The following TRPM3 variants were observed in gnomAD, a reference collection of about 807,000 sequenced individuals.
TRPM3 encodes the protein transient receptor potential cation channel subfamily M member 3, also known as long transient receptor potential channel 3.
Under a neutral mutation model 181.2 loss-of-function variants are expected in TRPM3, and 77 were observed. The observed-to-expected ratio is 0.42, with a 90% CI of 0.35 to 0.51. TRPM3 has a LOEUF of 0.51. TRPM3 is among the 20% of genes least tolerant of loss of function. TRPM3 has a pLI of 0.01. For missense variants in TRPM3, 1,759 were observed against 2,196.7 expected (o/e 0.80, Z 3.98); for synonymous variants, 745 against 796.4 (o/e 0.94, Z 1.09).
At chr9:71,390,056 G>A (rs2093025535) in intron 1 of TRPM3, among the ~76,000 whole-genome samples, 1 of 152,052 alleles carries the variant, frequency 6.6e-6, no homozygotes, top group Admixed American at 6.6e-5. Context: ...CTCATACACA[G>A]TTATCTACAT....
At chr9:70,635,056 C>CACGT (rs1199201812) in intron 12 of TRPM3, among the ~76,000 whole-genome samples, 155 bp downstream of exon 12, 4 of 108,828 alleles carry the variant, frequency 3.7e-5, no homozygotes, top group Non-Finnish European at 7.1e-5. Flanking sequence ...AGTTAAAAGA[C>CACGT]ACATACACAC....
intron 1 of TRPM3, among the ~76,000 whole-genome samples, chr9:71,105,666 G>T (rs535207927): frequency 6.6e-6 from 1 of 152,264 alleles, no homozygotes; most frequent in South Asian, 2.1e-4. Flanking sequence ...TTGTTAGTTT[G>T]TATATCAAAG....
At chr9:70,969,500 G>T (rs2097217476) in intron 1 of TRPM3, among the ~76,000 whole-genome samples, 1 of 146,450 alleles carries the variant, frequency 6.8e-6, no homozygotes, top group Non-Finnish European at 1.5e-5. Flanking sequence ...TGTTGGTCAT[G>T]AATAGCCAAT....
At chr9:71,196,854 A>G (rs2078403319) in intron 1 of TRPM3, among the ~76,000 whole-genome samples, 1 of 144,424 alleles carries the variant, frequency 6.9e-6, no homozygotes, top group Non-Finnish European at 1.5e-5. Flanking sequence ...TGGAGTATAA[A>G]TTGGGCCTTT....
At chr9:71,150,508 C>G (rs574467416) in intron 1 of TRPM3, among the ~76,000 whole-genome samples, 52 of 152,214 alleles carry the variant, frequency 3.4e-4, no homozygotes, top group Admixed American at 5.9e-4. Flanking sequence ...TAAATAGTTT[C>G]AATACTATGT....
chr9:71,006,731 C>T (rs965500429), intron 1 of TRPM3, among the ~76,000 whole-genome samples: 3 of 151,752 alleles, frequency 2.0e-5, no homozygotes, highest in Non-Finnish European at 4.4e-5. Flanking sequence ...ATTAGCCGGG[C>T]GTGGTGGCGG....
At position 70,554,616 on chromosome 9, in the gene TRPM3, C is replaced by T. The variant is rs181950059; in HGVS notation, c.3224-1306G>A. ...AATTGAATCAGAATCCCTGAGGGTG[C>T]CCCAGGCATCAGCATTTCTTTTAAA... On this transcript the variant is annotated intron_variant, in intron 22 of 25. Transcript: ENST00000677713. 2.2e-3 allele frequency among the ~76,000 whole-genome samples: 339 copies of T among 152,272 alleles called. 3 individuals are homozygous for T. The highest frequency in any genetic ancestry group is 7.8e-3 in the African/African-American group (323 of 41,550).
intron 1 of TRPM3, among the ~76,000 whole-genome samples, chr9:71,099,382 G>T (rs1387141096): frequency 1.3e-5 from 2 of 151,984 alleles, no homozygotes; most frequent in East Asian, 1.9e-4. Context: ...CATAAATTTT[G>T]GGGGGGTATA....
At chr9:71,273,817 A>G (rs1010611084) in intron 1 of TRPM3, among the ~76,000 whole-genome samples, 4 of 152,100 alleles carry the variant, frequency 2.6e-5, no homozygotes, top group Non-Finnish European at 4.4e-5. Context: ...GCATTATGAA[A>G]TCTGTTCTTT....
intron 1 of TRPM3, among the ~76,000 whole-genome samples, chr9:71,414,759 T>C (rs2093612055): frequency 6.6e-6 from 1 of 152,080 alleles, no homozygotes; most frequent in South Asian, 2.1e-4. Flanking sequence ...TTATTGTGAA[T>C]TACAACACAC....
At chr9:70,854,793 A>G (rs917140039) in intron 3 of TRPM3, among the ~76,000 whole-genome samples, 2 of 152,178 alleles carry the variant, frequency 1.3e-5, no homozygotes, top group African/African-American at 4.8e-5. Flanking sequence ...TGTGCTAATG[A>G]CAATCAGAAT....
intron 1 of TRPM3, among the ~76,000 whole-genome samples, chr9:71,161,589 G>A (rs2076274609): frequency 6.6e-6 from 1 of 152,072 alleles, no homozygotes; most frequent in Non-Finnish European, 1.5e-5. Flanking sequence ...TAAGTGTGGG[G>A]TAACTGAAAG....
intron 1 of TRPM3, among the ~76,000 whole-genome samples, chr9:71,092,530 G>A (rs1327016641): frequency 4.0e-5 from 6 of 151,634 alleles, no homozygotes; most frequent in East Asian, 3.9e-4. Flanking sequence ...AACTCAATTC[G>A]AAATTTTGGG....
At chr9:70,867,367 A>C (rs1023742560) in intron 1 of TRPM3, among the ~76,000 whole-genome samples, 2 of 152,110 alleles carry the variant, frequency 1.3e-5, no homozygotes, top group Non-Finnish European at 2.9e-5. Context: ...CCTGGAAAGC[A>C]CTGGAAGTTT....
intron 1 of TRPM3, among the ~76,000 whole-genome samples, chr9:71,306,847 T>C (rs1481166839): frequency 2.0e-5 from 3 of 152,136 alleles, no homozygotes; most frequent in African/African-American, 7.2e-5. Flanking sequence ...CACTCCAGCC[T>C]GGTGACAGAG....
intron 1 of TRPM3, among the ~76,000 whole-genome samples, chr9:70,980,497 G>A (rs187881855): frequency 3.7e-4 from 57 of 152,200 alleles, no homozygotes; most frequent in African/African-American, 1.2e-3. Context: ...AATCAGTGTT[G>A]TCTGTGTGTA....
rs2090517642 is a variant in TRPM3, at chr9:71,335,841, A to G, written c.183+110812T>C. The stretch of plus-strand genomic sequence containing the variant: ...AATACTAAATATCTTTAACCCTTTT[A>G]CAAGTGGGGAGATACGATCCTTTTT... On this transcript the variant is annotated intron_variant, in intron 1 of 24. Transcript: ENST00000357533. Among the ~76,000 whole-genome samples, 3 of 152,160 alleles carry G rather than the reference A, an allele frequency of 2.0e-5. No homozygotes were observed. In the South Asian group the frequency reaches 6.2e-4, roughly 31 times the overall value.
chr9:71,208,148 A>T (rs1240346608), intron 1 of TRPM3, among the ~76,000 whole-genome samples: 1 of 152,172 alleles, frequency 6.6e-6, no homozygotes, highest in African/African-American at 2.4e-5. Flanking sequence ...GTGTTTTGCC[A>T]AAGAACAGGG....
At chr9:70,664,848 C>T (rs1416081938) in intron 9 of TRPM3, among the ~76,000 whole-genome samples, 1 of 151,966 alleles carries the variant, frequency 6.6e-6, no homozygotes, top group African/African-American at 2.4e-5. Flanking sequence ...ATGGGTTTCA[C>T]CATGTTGGCC....
Sources: gnomAD v4.1 joint callset for allele counts (sites outside exome capture counted in the v4.1 genomes callset) on GRCh38, gnomAD v4.1.1 for gene constraint, MANE v1.5 for transcripts, NCBI Gene and HGNC (gene_info 2026-07-23, HGNC 2026-07-21) for gene names.